Variants in DDHD1 observed in about 807,000 individuals in gnomAD.
DDHD1 encodes DDHD domain containing 1.
A neutral mutation model predicts 96.4 loss-of-function variants in DDHD1; 49 were observed. That is an observed-to-expected ratio of 0.51 (90% CI 0.40 to 0.64). The LOEUF (loss-of-function observed/expected upper bound fraction) is 0.64. Among genes scored for constraint, DDHD1 ranks in the 30% least tolerant of loss-of-function variants. The pLI, the probability that DDHD1 is intolerant of heterozygous loss-of-function variation, is 0.00. For missense variants in DDHD1, 1,106 were observed against 1,161.2 expected (o/e 0.95, Z 0.69); for synonymous variants, 442 against 446.5 (o/e 0.99, Z 0.13).
rs987200937 is a variant in DDHD1, at chr14:53,044,048, T to A, written c.*2720A>T. 1 of 152,184 alleles carries A rather than the reference T, an allele frequency of 6.6e-6. No individual in the cohort carries two copies. The highest frequency in any genetic ancestry group is 1.5e-5 in the Non-Finnish European group (1 of 68,028). 9.4% of individuals were successfully genotyped at this position (152,184 alleles called of 1,614,324 possible). On this transcript the variant is annotated 3_prime_UTR_variant, in exon 13 of 13. Transcript: ENST00000673822. ...CTTGCTGGAATAAAGTTGCAAAATG[T>A]TACTCAGTAACTGACTTAGCTTCTA...
chr14:53,049,691 T>A (rs7145029), intron 12 of DDHD1, among the ~76,000 whole-genome samples: 5 of 146,956 alleles, frequency 3.4e-5, no homozygotes, highest in African/African-American at 2.5e-5. Flanking sequence ...GAACATAAAT[T>A]ATCACTTCTT....
At chr14:53,053,319 G>C (rs1595087084) in intron 11 of DDHD1, 1 of 151,892 alleles carries the variant, frequency 6.6e-6, no homozygotes, top group Admixed American at 6.6e-5. Flanking sequence ...TCTTATAGAA[G>C]GTAAAATATA....
At chr14:53,076,790 CA>C (rs1884997591) in intron 4 of DDHD1, among the ~76,000 whole-genome samples, 2 of 152,140 alleles carry the variant, frequency 1.3e-5, no homozygotes, top group South Asian at 4.1e-4. Flanking sequence ...CCTTCAACAG[CA>C]AAAAGATGCT....
At chr14:53,122,855 C>G (rs1245937313) in intron 1 of DDHD1, among the ~76,000 whole-genome samples, 1 of 151,944 alleles carries the variant, frequency 6.6e-6, no homozygotes, top group Non-Finnish European at 1.5e-5. Context: ...GCGTGAGCCA[C>G]CGTGCCTGGC....
chr14:53,118,376 C>T (rs1476715803), intron 1 of DDHD1, among the ~76,000 whole-genome samples: 5 of 152,256 alleles, frequency 3.3e-5, no homozygotes, highest in African/African-American at 1.2e-4. Context: ...GCTAAAGGAG[C>T]ATGTTCTAAC....
intron 11 of DDHD1, 30 bp downstream of exon 11, chr14:53,054,408 T>C (rs761776713): frequency 4.4e-6 from 7 of 1,599,464 alleles, no homozygotes; most frequent in Non-Finnish European, 6.0e-6. Context: ...AGATACAGTA[T>C]CAACTTAAGG....
chr14:53,058,747 T>C (rs1883284528), intron 8 of DDHD1, 121 bp from the exon 9 acceptor site: 9 of 901,742 alleles, frequency 1.0e-5, no homozygotes, highest in Non-Finnish European at 1.1e-5. Flanking sequence ...GTATATTCGT[T>C]TTTAATAAGA....
intron 11 of DDHD1, chr14:53,052,758 G>A (rs1215324866): frequency 6.6e-6 from 1 of 151,898 alleles, no homozygotes; most frequent in Non-Finnish European, 1.5e-5. Context: ...TGTGTAATAT[G>A]TGAATATGTG....
At chr14:53,051,186 C>T (rs1051637357) in intron 12 of DDHD1, among the ~76,000 whole-genome samples, 2 of 148,494 alleles carry the variant, frequency 1.3e-5, no homozygotes, top group Non-Finnish European at 3.0e-5. Flanking sequence ...TTGTCAAAGA[C>T]AAAATCCAGC....
Position 53,152,676 on chromosome 14 carries a change from C to T in DDHD1, c.423G>A (p.Gly141=). ...CGCCAAGCCGGGTACGTTTCCTTTC[C>T]CCGGGGGACCCTCCTGTCGCGCCGC... ...GGGGATGGSP[G]ERKRTRLGGP... The change falls in exon 1 of 13, where the codon GGG becomes GGA. Residue 141 remains glycine, a synonymous_variant. Transcript: ENST00000673822. 9 of 1,612,648 alleles carry T rather than the reference C, an allele frequency of 5.6e-6. No individual in the cohort carries two copies. The highest frequency in any genetic ancestry group is 6.8e-6 in the Non-Finnish European group (8 of 1,179,700).
chr14:53,134,231 G>A (rs969336281), intron 1 of DDHD1, among the ~76,000 whole-genome samples: 2 of 151,812 alleles, frequency 1.3e-5, no homozygotes, highest in Admixed American at 1.3e-4. Context: ...TCAACTACTC[G>A]TAAATACCCT....
Position 53,091,915 on chromosome 14 carries a change from T to C in DDHD1, c.1159A>G (p.Arg387Gly). 6.2e-7 allele frequency: 1 copy of C among 1,609,344 alleles called. No individual in the cohort carries two copies. Residue 387 changes from arginine to glycine, a missense_variant, in exon 4 of 13, where the codon AGA (arginine) becomes GGA (glycine). Around this residue, in one of 2 missense-constraint regions of DDHD1, gnomAD observed 650 missense variants for 758.8 expected, o/e 0.86. Transcript: ENST00000673822. Reference sequence around the variant, plus strand: ...TCTTCTACATAACCTCTATGAAGTCTGGTACCACTACTTGATGCTGTAGAA... The same window carrying C: ...TCTTCTACATAACCTCTATGAAGTCCGGTACCACTACTTGATGCTGTAGAA... Reference protein sequence around the residue: ...GFSKASSSGTRLHRGYVEEAT... With the variant: ...GFSKASSSGTGLHRGYVEEAT...
In DDHD1 at chr14:53,152,601, C is replaced by T; in HGVS notation, c.498G>A (p.Glu166=). ...CCTCCTTGTAGAACCAGCGTACCTCCTCCGGGCCCAGCTCCGTCACTACCT... is the reference window on the plus strand; with the variant it reads ...CCTCCTTGTAGAACCAGCGTACCTCTTCCGGGCCCAGCTCCGTCACTACCT... ...RYEVVTELGP[E]EVRWFYKEDK... Residue 166 remains glutamate (E), a synonymous_variant, in exon 1 of 13, where the codon GAG becomes GAA. Coordinates refer to ENST00000673822, the MANE Select transcript of DDHD1 (RefSeq NM_001160148.2). The T allele has an allele frequency of 6.2e-7, 1 of 1,613,826 alleles. No homozygotes were observed. Among genetic ancestry groups the T allele is most frequent in the African/African-American group, 1.3e-5 (1 of 75,056 alleles).
intron 1 of DDHD1, among the ~76,000 whole-genome samples, chr14:53,119,666 C>T (rs1317408981): frequency 5.9e-5 from 9 of 152,132 alleles, no homozygotes; most frequent in Admixed American, 1.3e-4. Context: ...AATCAATAAA[C>T]GTAATCCATC....
At chr14:53,089,684 T>A (rs1886274230) in intron 4 of DDHD1, among the ~76,000 whole-genome samples, 1 of 152,166 alleles carries the variant, frequency 6.6e-6, no homozygotes, top group Non-Finnish European at 1.5e-5. Flanking sequence ...AATTACACCT[T>A]ATACAAAATT....
chr14:53,058,373 C>T (rs1883249219), intron 9 of DDHD1, 104 bp downstream of exon 9: 2 of 1,342,936 alleles, frequency 1.5e-6, no homozygotes. Flanking sequence ...CCTCAGCCTC[C>T]CAAAGTGCTG....
intron 1 of DDHD1, among the ~76,000 whole-genome samples, chr14:53,134,517 A>G (rs911001605): frequency 6.6e-6 from 1 of 151,782 alleles, no homozygotes; most frequent in African/African-American, 2.4e-5. Flanking sequence ...AGCCATTTCT[A>G]ATCCTTCCTT....
At position 53,093,431 on chromosome 14, in the gene DDHD1, G is replaced by C; in HGVS notation, c.1026C>G (p.Phe342Leu). 6.2e-7 allele frequency: 1 copy of C among 1,611,138 alleles called. No homozygotes were observed. Among genetic ancestry groups the C allele is most frequent in the Non-Finnish European group, 8.5e-7 (1 of 1,179,214 alleles). ...SIDGKDAVHS[F>L]KLSRNHVDWH... ...AGTCCACATGGTTTCGACTCAACTT[G>C]AAACTATGAACAGCTATTGCAAAAA... Residue 342 changes from phenylalanine (F) to leucine (L), a missense_variant, in exon 3 of 13, where the codon TTC becomes TTG. Physicochemically the swap from Phe to Leu is conservative, Grantham distance 22. Around this residue, in one of 2 missense-constraint regions of DDHD1, gnomAD observed 650 missense variants for 758.8 expected, o/e 0.86. Coordinates refer to ENST00000673822, the MANE Select transcript of DDHD1 (RefSeq NM_001160148.2).
intron 1 of DDHD1, among the ~76,000 whole-genome samples, chr14:53,144,799 T>C (rs1206065744): frequency 6.6e-6 from 1 of 152,242 alleles, no homozygotes; most frequent in Non-Finnish European, 1.5e-5. Context: ...TTTAACTAAA[T>C]GTCTACACTA....
Sources: allele counts gnomAD v4.1 joint callset (sites outside exome capture counted in the v4.1 genomes callset), GRCh38; gene constraint gnomAD v4.1.1; regional missense constraint gnomAD v4.1.1; transcripts MANE v1.5; gene names NCBI Gene and HGNC (gene_info 2026-07-23, HGNC 2026-07-21).